PDS5B: variants seen among roughly 807,000 people sequenced by gnomAD.
The protein encoded by PDS5B is PDS5 cohesin associated factor B, also known as sister chromatid cohesion protein PDS5 homolog B.
PDS5B carries 51 observed loss-of-function variants against 184.1 expected under a neutral mutation model. The observed-to-expected ratio is 0.28, with a 90% CI of 0.22 to 0.35. PDS5B has a LOEUF of 0.35. Among genes scored for constraint, PDS5B ranks in the 10% least tolerant of loss-of-function variants. PDS5B has a pLI of 1.00. For missense variants in PDS5B, 1,180 were observed against 1,723.3 expected, an observed-to-expected ratio of 0.68 and a Z score of 5.58; for synonymous variants, 566 against 569.2, an observed-to-expected ratio of 0.99 and a Z score of 0.08.
chr13:32,699,150 C>G (rs959625340), intron 15 of PDS5B, among the ~76,000 whole-genome samples: 26 of 152,158 alleles, frequency 1.7e-4, no homozygotes, highest in African/African-American at 6.3e-4. Context: ...TATTTTGATA[C>G]ATAGACACAT....
At chr13:32,653,450 G>GA (rs1420222269) in intron 3 of PDS5B, among the ~76,000 whole-genome samples, 2 of 152,130 alleles carry the variant, frequency 1.3e-5, no homozygotes, top group African/African-American at 4.8e-5. Flanking sequence ...TTACAGTGGT[G>GA]AAAAAAACCC....
chr13:32,773,325 G>T lies in PDS5B; in HGVS notation c.4308+1G>T, dbSNP rs1461266564. On this transcript the variant is annotated splice_donor_variant, in intron 34 of 34. Transcript: ENST00000315596. LOFTEE classifies it high-confidence loss of function. ...GGAGGAGGAAGTTTCTACAGTAAAT[G>T]TATGTGTTCAAAGTTTCTGTGAGTG... 1 of 1,608,320 alleles carries T rather than the reference G, an allele frequency of 6.2e-7. No homozygotes were observed. The highest frequency in any genetic ancestry group is 8.5e-7 in the Non-Finnish European group (1 of 1,177,982).
intron 1 of PDS5B, among the ~76,000 whole-genome samples, chr13:32,635,721 C>T (rs1220033933): frequency 1.3e-5 from 2 of 150,040 alleles, no homozygotes; most frequent in Non-Finnish European, 3.0e-5. Flanking sequence ...GTTGGGCTAA[C>T]GTTTTTGTTT....
chr13:32,655,374 A>ATATATT, intron 3 of PDS5B, among the ~76,000 whole-genome samples: 6 of 72,466 alleles, frequency 8.3e-5, no homozygotes, highest in Admixed American at 3.7e-4. Context: ...ATATATATAT[A>ATATATT]TTTTTTTTTT....
Position 32,735,232 on chromosome 13 carries a change from A to G in PDS5B, c.2308A>G (p.Ile770Val), listed in dbSNP as rs747614808. ...LEHLITPLVT[I>V]GHIALLAPDQ... ...ACATCTCATAACACCATTGGTTACTATTGGTCATATTGCTCTCCTTGCACC... is the reference window on the plus strand; with the variant it reads ...ACATCTCATAACACCATTGGTTACTGTTGGTCATATTGCTCTCCTTGCACC... Residue 770 changes from isoleucine (I) to valine (V), a missense_variant, in exon 21 of 35, where the codon ATT (isoleucine) becomes GTT (valine). Ile to Val is a conservative substitution (Grantham distance 29, BLOSUM62 3). Around this residue, in one of 11 missense-constraint regions of PDS5B, gnomAD observed 475 missense variants for 691.5 expected, o/e 0.69. Coordinates refer to ENST00000315596, the MANE Select transcript of PDS5B (RefSeq NM_015032.4). 27 of 1,612,356 alleles carry G rather than the reference A, an allele frequency of 1.7e-5. No individual in the cohort carries two copies. Among genetic ancestry groups the G allele is most frequent in the South Asian group, 3.3e-5 (3 of 90,924 alleles).
At chr13:32,713,785 T>C (rs1033809134) in intron 19 of PDS5B, among the ~76,000 whole-genome samples, 26 of 152,198 alleles carry the variant, frequency 1.7e-4, no homozygotes, top group Non-Finnish European at 3.5e-4. Context: ...ATTTAAAATA[T>C]GAATCTGGAG....
At chr13:32,753,665 A>G in intron 25 of PDS5B, 129 bp downstream of exon 25, 1 of 592,224 alleles carries the variant, frequency 1.7e-6, no homozygotes, top group Non-Finnish European at 2.8e-6. Context: ...ACCATTTTTC[A>G]ATAACTGCTT....
chr13:32,677,740 T>G (rs964060385), intron 9 of PDS5B, among the ~76,000 whole-genome samples: 1 of 152,078 alleles, frequency 6.6e-6, no homozygotes, highest in African/African-American at 2.4e-5. Flanking sequence ...TTCCCACTCC[T>G]TTATAATGCT....
At chr13:32,734,919 C>T (rs554868796) in intron 20 of PDS5B, among the ~76,000 whole-genome samples, 77 of 152,208 alleles carry the variant, frequency 5.1e-4, no homozygotes, top group African/African-American at 1.8e-3. Flanking sequence ...TTTACCCTAC[C>T]TCTAAACTGA....
rs747817544 is a variant in PDS5B at position 32,742,741 on chromosome 13, AT to A, written c.2612+17del. The A allele has an allele frequency of 8.1e-6, 13 of 1,606,600 alleles. No individual in the cohort carries two copies. The highest frequency in any genetic ancestry group is 1.0e-5 in the Non-Finnish European group (12 of 1,174,150). ...GGGGAAAATTAGGTATGCAATTACTATTTCACAGTTCTTTGGATTGCATAAT... is the reference window on the plus strand; with the variant it reads ...GGGGAAAATTAGGTATGCAATTACTATTCACAGTTCTTTGGATTGCATAAT... On this transcript the variant is annotated intron_variant, in intron 23 of 34. Coordinates refer to ENST00000315596, the MANE Select transcript of PDS5B (RefSeq NM_015032.4).
At chr13:32,699,413 G>C (rs1259244906) in intron 15 of PDS5B, among the ~76,000 whole-genome samples, 1 of 152,112 alleles carries the variant, frequency 6.6e-6, no homozygotes, top group Non-Finnish European at 1.5e-5. Context: ...CAAGCTCAAG[G>C]GGACAGTAAT....
chr13:32,685,855 G>C (rs1008134407), intron 11 of PDS5B, among the ~76,000 whole-genome samples: 1 of 151,978 alleles, frequency 6.6e-6, no homozygotes, highest in African/African-American at 2.4e-5. Flanking sequence ...GCCTAGGCTG[G>C]TCTCGAATTC....
chr13:32,642,828 G>T (rs1397954898), intron 1 of PDS5B, among the ~76,000 whole-genome samples: 1 of 152,010 alleles, frequency 6.6e-6, no homozygotes, highest in African/African-American at 2.4e-5. Flanking sequence ...TACAAAAGTG[G>T]TTTTTCTTTC....
In PDS5B at chr13:32,759,078, C is replaced by T. The variant is rs141341265; in HGVS notation, c.3309+425C>T. ...TACAAGAGTGTTACCAAACCATGCT[C>T]CAAAAACTCGAGTGTGATATAAGAT... On this transcript the variant is annotated intron_variant, in intron 28 of 34. Coordinates refer to ENST00000315596, the MANE Select transcript of PDS5B (RefSeq NM_015032.4). 5.3e-3 allele frequency among the ~76,000 whole-genome samples: 813 copies of T among 152,228 alleles called. 5 individuals are homozygous for T. Among genetic ancestry groups the T allele is most frequent in the African/African-American group, 0.019 (769 of 41,516 alleles).
At chr13:32,769,418 C>A (rs541118517) in intron 31 of PDS5B, among the ~76,000 whole-genome samples, 3 of 152,070 alleles carry the variant, frequency 2.0e-5, no homozygotes, top group Admixed American at 6.6e-5. Flanking sequence ...TTCATACATA[C>A]AATTTATTCT....
chr13:32,754,736 G>C (rs187254103), intron 25 of PDS5B, among the ~76,000 whole-genome samples: 1 of 152,090 alleles, frequency 6.6e-6, no homozygotes, highest in Non-Finnish European at 1.5e-5. Flanking sequence ...GATTGCTTGT[G>C]GTTGTTGTGA....
intron 2 of PDS5B, among the ~76,000 whole-genome samples, chr13:32,651,545 C>CT (rs1369649963): frequency 6.6e-6 from 1 of 152,128 alleles, no homozygotes; most frequent in Non-Finnish European, 1.5e-5. Context: ...ATAATGACTA[C>CT]TACATAAGGG....
chr13:32,649,026 A>T, intron 2 of PDS5B, 146 bp downstream of exon 2: 2 of 631,502 alleles, frequency 3.2e-6, no homozygotes, highest in East Asian at 5.7e-5. Context: ...AAGGGAGTAG[A>T]GTATATAAGG....
chr13:32,758,091 C>A lies in PDS5B; in HGVS notation c.3061C>A (p.Leu1021Ile). 3.5e-5 allele frequency: 38 copies of A among 1,091,960 alleles called. No individual in the cohort carries two copies. Among genetic ancestry groups the A allele is most frequent in the Admixed American group, 1.2e-4 (3 of 26,068 alleles). 67.6% of individuals were successfully genotyped at this position (1,091,960 alleles called of 1,614,324 possible). Residue 1021 changes from leucine (L) to isoleucine (I), a missense_variant, in exon 27 of 35, where the codon CTT (leucine) becomes ATT (isoleucine). This residue lies in a region of PDS5B where 57 missense variants were observed against 80.9 expected (regional missense o/e 0.70). Transcript: ENST00000315596. ...IEQLKDVKEC[L>I]WFVLEILMAK... ...TTTCCTTTTTTTTTTTTTTAGATGT[C>A]TTTGGTTTGTTCTGGAAATATTAAT...
Sources: allele counts gnomAD v4.1 joint callset (sites outside exome capture counted in the v4.1 genomes callset), GRCh38; gene constraint gnomAD v4.1.1; regional missense constraint gnomAD v4.1.1; transcripts MANE v1.5; gene names NCBI Gene and HGNC (gene_info 2026-07-23, HGNC 2026-07-21).